Variants in LINS1 observed in about 807,000 individuals in gnomAD.
LINS1 encodes lines homolog 1.
In LINS1, 27 loss-of-function variants were observed where a neutral mutation model predicts 41.6. The observed-to-expected ratio is 0.65, with a 90% CI of 0.48 to 0.89. The LOEUF is 0.89. LINS1 is among the 40% of genes least tolerant of loss of function. The probability of loss-of-function intolerance (pLI) is 0.00; values close to 1 mark genes in which losing one functional copy is unlikely to be tolerated. For missense variants in LINS1, 955 were observed against 884.1 expected (o/e 1.08, Z -1.02); for synonymous variants, 336 against 312.9 (o/e 1.07, Z -0.78).
At chr15:100,576,950 A>G (rs1448806022) in intron 3 of LINS1, among the ~76,000 whole-genome samples, 2 of 152,246 alleles carry the variant, frequency 1.3e-5, no homozygotes, top group Admixed American at 6.5e-5. Context: ...ATAGATGCAG[A>G]AAAGGCCTTT....
At position 100,574,020 on chromosome 15, in the gene LINS1, C is replaced by A. The variant is rs1323852052; in HGVS notation, c.853G>T (p.Glu285Ter). Residue 285 changes from glutamate (E) to a stop codon, truncating the protein, a stop_gained, in exon 5 of 7, where the codon GAA (glutamate) becomes TAA (stop). Coordinates refer to ENST00000314742, the MANE Select transcript of LINS1 (RefSeq NM_001040616.3). LOFTEE classifies it high-confidence loss of function. ...GCCTGAATAGGCCAGGTAATAACTT[C>A]TAGCATGCAAGATGGTTTCAAAAAT... is the stretch of plus-strand genomic sequence containing the variant. ...ILFLKPSCML[E>*]VITWPIQAFV... is the part of the protein sequence containing the mutation. 6.8e-6 allele frequency: 11 copies of A among 1,614,056 alleles called. No homozygotes were observed. The highest frequency in any genetic ancestry group is 8.5e-6 in the Non-Finnish European group (10 of 1,179,914).
intron 1 of LINS1, among the ~76,000 whole-genome samples, chr15:100,601,151 C>T (rs1432283619): frequency 6.6e-6 from 1 of 152,232 alleles, no homozygotes; most frequent in East Asian, 1.9e-4. Flanking sequence ...ATTCAGATCC[C>T]TGCTCAAATG....
intron 1 of LINS1, among the ~76,000 whole-genome samples, chr15:100,600,438 G>A (rs2039427111): frequency 6.6e-6 from 1 of 151,062 alleles, no homozygotes; most frequent in South Asian, 2.1e-4. Context: ...TGGTCTGTTG[G>A]GCCTAGTGCA....
intron 4 of LINS1, 150 bp from the exon 5 acceptor site, chr15:100,574,391 T>C: frequency 1.5e-6 from 1 of 649,016 alleles, no homozygotes; most frequent in Non-Finnish European, 2.7e-6. Context: ...TTACACAGAT[T>C]AATGGGTAAG....
chr15:100,588,149 T>C (rs1375178851), intron 1 of LINS1, among the ~76,000 whole-genome samples: 1 of 152,246 alleles, frequency 6.6e-6, no homozygotes, highest in Non-Finnish European at 1.5e-5. Flanking sequence ...TGTGTCTTCC[T>C]GTATTTTTCT....
chr15:100,582,226 G>T (rs1005641019), intron 1 of LINS1, among the ~76,000 whole-genome samples: 4 of 148,288 alleles, frequency 2.7e-5, no homozygotes, highest in Non-Finnish European at 5.9e-5. Context: ...CCTAGTCTTG[G>T]TCTTACACTG....
intron 1 of LINS1, among the ~76,000 whole-genome samples, chr15:100,596,711 T>C (rs904360972): frequency 2.0e-5 from 3 of 152,138 alleles, no homozygotes. Context: ...AAAGCTTGCA[T>C]AGGTGAATGC....
chr15:100,586,883 C>T (rs1024665931), intron 1 of LINS1, among the ~76,000 whole-genome samples: 2 of 151,982 alleles, frequency 1.3e-5, no homozygotes, highest in African/African-American at 4.8e-5. Context: ...GAAATGTGGC[C>T]GGGTGCGGTG....
chr15:100,600,348 G>A (rs2039424351), intron 1 of LINS1, among the ~76,000 whole-genome samples: 1 of 151,924 alleles, frequency 6.6e-6, no homozygotes, highest in African/African-American at 2.4e-5. Flanking sequence ...TGTATCTTCT[G>A]GATTTTTTGA....
intron 6 of LINS1, 117 bp from the exon 7 acceptor site, chr15:100,570,234 T>A (rs774063663): frequency 1.2e-5 from 10 of 831,900 alleles, no homozygotes; most frequent in Non-Finnish European, 1.8e-5. Context: ...AATCTATGCA[T>A]CACTTCTTAA....
chr15:100,582,120 A>AGTCTTG (rs1389881753), intron 1 of LINS1, among the ~76,000 whole-genome samples: 3 of 152,200 alleles, frequency 2.0e-5, no homozygotes, highest in African/African-American at 7.2e-5. Context: ...CCACTAGCCT[A>AGTCTTG]GTCTTGGTCT....
chr15:100,594,676 A>T (rs1202793457), intron 1 of LINS1, among the ~76,000 whole-genome samples: 2 of 152,250 alleles, frequency 1.3e-5, no homozygotes, highest in African/African-American at 4.8e-5. Context: ...AATATTTGTT[A>T]CACTGTATGG....
At chr15:100,593,733 C>T (rs553953790) in intron 1 of LINS1, among the ~76,000 whole-genome samples, 1 of 152,246 alleles carries the variant, frequency 6.6e-6, no homozygotes, top group South Asian at 2.1e-4. Flanking sequence ...CATTGGTGCT[C>T]CAAAAGCCCA....
intron 5 of LINS1, 78 bp downstream of exon 5, chr15:100,573,573 C>A (rs1199994962): frequency 1.0e-6 from 1 of 967,938 alleles, no homozygotes. Flanking sequence ...TAAACTAGTC[C>A]TGAGATTTGA....
At position 100,569,614 on chromosome 15, in the gene LINS1, T is replaced by A; in HGVS notation, c.1898A>T (p.Asp633Val). The A allele has an allele frequency of 6.2e-7, 1 of 1,613,350 alleles. No homozygotes were observed. Among genetic ancestry groups the A allele is most frequent in the East Asian group, 2.2e-5 (1 of 44,864 alleles). ...SQSLVDYDSS[D>V]DSDVESTEQC... ...CTCTGTGGATTCCACGTCAGAATCG[T>A]CAGAGCTGTCGTAATCTACCAGACT... Residue 633 changes from aspartate (D) to valine (V), a missense_variant, in exon 7 of 7, where the codon GAC becomes GTC. Physicochemically the swap from Asp to Val is radical, Grantham distance 152 (BLOSUM62 -3). Transcript: ENST00000314742.
intron 3 of LINS1, among the ~76,000 whole-genome samples, chr15:100,577,436 G>C (rs900577274): frequency 3.3e-5 from 5 of 152,112 alleles, no homozygotes; most frequent in South Asian, 2.1e-4. Context: ...GCTTCAAAGA[G>C]AATAAAATAC....
Position 100,569,990 on chromosome 15 carries a change from CT to C in LINS1, c.1521del (p.Val508PhefsTer6). On this transcript the variant is annotated frameshift_variant, in exon 7 of 7. Coordinates refer to ENST00000314742, the MANE Select transcript of LINS1 (RefSeq NM_001040616.3). LOFTEE classifies it low-confidence loss of function (END_TRUNC). ...GATGAAATCAAAAAGTCAAGAAGAA[CT>C]GTGGAATCAAATCCTATATTTTTCA... ...FFLKNIGFDS[T>X]VLLDFLISSE... 1 of 1,565,068 alleles carries C rather than the reference CT, an allele frequency of 6.4e-7. No individual in the cohort carries two copies.
chr15:100,595,580 T>A (rs1038328958), intron 1 of LINS1, among the ~76,000 whole-genome samples: 1 of 152,196 alleles, frequency 6.6e-6, no homozygotes, highest in South Asian at 2.1e-4. Context: ...AAACGGCACA[T>A]CCTCTTTGGA....
At position 100,580,329 on chromosome 15, in the gene LINS1, A is replaced by T. The variant is rs1430445612; in HGVS notation, c.423T>A (p.Asp141Glu). Residue 141 changes from aspartate to glutamate, a missense_variant, in exon 3 of 7, where the codon GAT becomes GAA. Coordinates refer to ENST00000314742, the MANE Select transcript of LINS1 (RefSeq NM_001040616.3). ...GTGCAGCCATGTGAGATAACAATTT[A>T]TCTGAATTTTGGAACATGCAGATCT... ...SKLICMFQNS[D>E]KLLSHMAAQC... 2 of 1,613,134 alleles carry T rather than the reference A, an allele frequency of 1.2e-6. No homozygotes were observed. The highest frequency in any genetic ancestry group is 3.3e-5 in the Admixed American group (2 of 59,926).
Sources: gnomAD v4.1 joint callset for allele counts (sites outside exome capture counted in the v4.1 genomes callset) on GRCh38, gnomAD v4.1.1 for gene constraint, MANE v1.5 for transcripts, NCBI Gene and HGNC (gene_info 2026-07-23, HGNC 2026-07-21) for gene names.